Variants in CNTN6 observed in about 807,000 individuals in gnomAD.
CNTN6 encodes contactin 6.
A neutral mutation model predicts 122.8 loss-of-function variants in CNTN6; 137 were observed. That is an observed-to-expected ratio of 1.12 (90% CI 0.97 to 1.29). The LOEUF is 1.29. Ranked by LOEUF, CNTN6 falls within the 50% of genes most tolerant of loss-of-function variation. CNTN6 has a pLI of 0.00. For synonymous variants in CNTN6, 570 were observed against 426.0 expected (o/e 1.34, Z -4.16); for missense variants, 1,634 against 1,223.4 (o/e 1.34, Z -5.01).
At position 1,264,464 on chromosome 3, in the gene CNTN6, GA is replaced by G. The variant is rs199513730; in HGVS notation, c.359-13948del. ...TGTCTTTGAGGAGCAGCCACATAGA[GA>G]GAGGTTGAGTGGTTGATGTCATTTG... On this transcript the variant is annotated intron_variant, in intron 4 of 22. Coordinates refer to ENST00000446702, the MANE Select transcript of CNTN6 (RefSeq NM_001289080.2). Among the ~76,000 whole-genome samples the G allele has an allele frequency of 4.3e-3, 652 of 152,240 alleles. 2 individuals are homozygous for G. The highest frequency in any genetic ancestry group is 0.015 in the African/African-American group (616 of 41,538).
intron 2 of CNTN6, among the ~76,000 whole-genome samples, chr3:1,150,024 G>A (rs1315190697): frequency 6.6e-6 from 1 of 151,928 alleles, no homozygotes; most frequent in Non-Finnish European, 1.5e-5. Flanking sequence ...TACCCTTGGT[G>A]CACAATTTCA....
intron 2 of CNTN6, among the ~76,000 whole-genome samples, chr3:1,170,727 G>A (rs2093344683): frequency 6.6e-6 from 1 of 152,072 alleles, no homozygotes; most frequent in South Asian, 2.1e-4. Flanking sequence ...TCCTTCCCTT[G>A]TTTCTTCCTT....
At chr3:1,307,013 A>G (rs1698468832) in intron 7 of CNTN6, among the ~76,000 whole-genome samples, 1 of 152,096 alleles carries the variant, frequency 6.6e-6, no homozygotes, top group African/African-American at 2.4e-5. Flanking sequence ...TAATTCCTTC[A>G]TTTCTTCATT....
At chr3:1,220,018 AT>A (rs2094185508) in intron 2 of CNTN6, among the ~76,000 whole-genome samples, 1 of 151,814 alleles carries the variant, frequency 6.6e-6, no homozygotes, top group Non-Finnish European at 1.5e-5. Context: ...TAAAAAGAAA[AT>A]AAAAAAGAAA....
chr3:1,153,910 T>G (rs1358514037), intron 2 of CNTN6, among the ~76,000 whole-genome samples: 1 of 152,206 alleles, frequency 6.6e-6, no homozygotes, highest in Non-Finnish European at 1.5e-5. Context: ...AGAGTGTGAA[T>G]GAATATTGAG....
At chr3:1,237,495 AACT>A (rs1481931428) in intron 4 of CNTN6, among the ~76,000 whole-genome samples, 11 of 152,224 alleles carry the variant, frequency 7.2e-5, no homozygotes, top group Non-Finnish European at 1.6e-4. Context: ...AATCCAGGAA[AACT>A]TCCTCAGCTT....
intron 2 of CNTN6, among the ~76,000 whole-genome samples, chr3:1,197,901 C>A (rs1243382025): frequency 6.6e-6 from 1 of 152,060 alleles, no homozygotes; most frequent in Non-Finnish European, 1.5e-5. Flanking sequence ...AGCATCCTAT[C>A]CCCCCTAACT....
intron 4 of CNTN6, among the ~76,000 whole-genome samples, chr3:1,259,422 GT>G (rs966012614): frequency 2.0e-5 from 3 of 151,862 alleles, no homozygotes; most frequent in African/African-American, 4.8e-5. Flanking sequence ...GTCTAAGTAA[GT>G]TTTTTTTGTT....
intron 2 of CNTN6, among the ~76,000 whole-genome samples, chr3:1,154,448 C>CTTTTTTTTTTTTTTTTTTTTTTT (rs771133835): frequency 2.8e-5 from 4 of 140,478 alleles, no homozygotes; most frequent in Admixed American, 1.4e-4. Flanking sequence ...TCTTTTCTTT[C>CTTTTTTTTTTTTTTTTTTTTTTT]TTTTTTTTTT....
At chr3:1,203,342 A>G (rs1350662838) in intron 2 of CNTN6, among the ~76,000 whole-genome samples, 3 of 152,220 alleles carry the variant, frequency 2.0e-5, no homozygotes, top group South Asian at 2.1e-4. Flanking sequence ...TGAGACAGTA[A>G]TAAGAAATGA....
intron 2 of CNTN6, among the ~76,000 whole-genome samples, chr3:1,166,935 G>T (rs2093263690): frequency 1.3e-5 from 2 of 152,010 alleles, no homozygotes; most frequent in South Asian, 4.2e-4. Context: ...CCTAATGCTT[G>T]TGGGGCTTAA....
rs73111129 is a variant in CNTN6 at position 1,278,886 on chromosome 3, C to T, written c.454+378C>T. 8.3e-3 allele frequency among the ~76,000 whole-genome samples: 1,267 copies of T among 152,232 alleles called. 18 individuals are homozygous for T. Among genetic ancestry groups the T allele is most frequent in the African/African-American group, 0.029 (1,222 of 41,536 alleles). On this transcript the variant is annotated intron_variant, in intron 5 of 22. Coordinates refer to ENST00000446702, the MANE Select transcript of CNTN6 (RefSeq NM_001289080.2). ...CTCATCTATAAAATAGAGACATTAA[C>T]TGTTTGTTTGTTTGTTTGTTCAGTT... is the stretch of plus-strand genomic sequence containing the variant.
intron 2 of CNTN6, among the ~76,000 whole-genome samples, chr3:1,215,302 A>G (rs1187478567): frequency 2.0e-5 from 3 of 152,100 alleles, no homozygotes; most frequent in African/African-American, 2.4e-5. Context: ...ATCTTTATCT[A>G]TGTTTCTAAT....
chr3:1,397,810 A>C (rs1297596574), intron 20 of CNTN6, among the ~76,000 whole-genome samples: 1 of 152,138 alleles, frequency 6.6e-6, no homozygotes, highest in Non-Finnish European at 1.5e-5. Context: ...GGAAGCATTA[A>C]GCTTTTATTT....
rs533635789 is a variant in CNTN6 at position 1,382,106 on chromosome 3, A to T, written c.2167-836A>T. ...TTATTAGTCTGTCAGAATATTTATT[A>T]AAAAAAAAAAAGCAAAGCATTTTCC... On this transcript the variant is annotated intron_variant, in intron 17 of 22. Transcript: ENST00000446702. 1.5e-3 allele frequency among the ~76,000 whole-genome samples: 139 copies of T among 91,676 alleles called. No homozygotes were observed. The South Asian group carries it at 0.039, about 26-fold the overall frequency. The allele number at this position is 91,676 out of a possible 152,430, so 60.1% of individuals were successfully genotyped here. A position where few individuals can be genotyped will look rare whatever the true frequency, so the allele number is the denominator to read the frequency against.
intron 7 of CNTN6, among the ~76,000 whole-genome samples, chr3:1,303,940 A>G (rs1697884879): frequency 6.6e-6 from 1 of 152,130 alleles, no homozygotes; most frequent in African/African-American, 2.4e-5. Flanking sequence ...GGCATAGTGG[A>G]GCTCTCATGT....
intron 2 of CNTN6, among the ~76,000 whole-genome samples, chr3:1,152,085 C>T (rs916247279): frequency 6.6e-6 from 1 of 152,062 alleles, no homozygotes; most frequent in Admixed American, 6.6e-5. Context: ...GTAGACAATG[C>T]ACAGATTGTT....
At chr3:1,288,492 G>C (rs1406941282) in intron 5 of CNTN6, among the ~76,000 whole-genome samples, 3 of 152,126 alleles carry the variant, frequency 2.0e-5, no homozygotes, top group Non-Finnish European at 4.4e-5. Context: ...TTTAACCCTG[G>C]AGCACTACAC....
intron 1 of CNTN6, among the ~76,000 whole-genome samples, chr3:1,103,112 T>TAA (rs1284678827): frequency 6.6e-6 from 1 of 151,258 alleles, no homozygotes; most frequent in Non-Finnish European, 1.5e-5. Context: ...TCTCAAAAAA[T>TAA]AAAAATAAAA....
Sources: allele counts gnomAD v4.1 joint callset (sites outside exome capture counted in the v4.1 genomes callset), GRCh38; gene constraint gnomAD v4.1.1; transcripts MANE v1.5; gene names NCBI Gene and HGNC (gene_info 2026-07-23, HGNC 2026-07-21).